AAK1: variants seen among roughly 807,000 people sequenced by gnomAD.
The protein encoded by AAK1 is AP2 associated kinase 1.
Under a neutral mutation model 116.0 loss-of-function variants are expected in AAK1, and 37 were observed. That is an observed-to-expected ratio of 0.32 (90% CI 0.25 to 0.42). The LOEUF (loss-of-function observed/expected upper bound fraction) is 0.42. Ranked by LOEUF, AAK1 falls within the 10% of genes least tolerant of loss-of-function variation. AAK1 has a pLI of 1.00. For missense variants in AAK1, 919 were observed against 1,170.6 expected (o/e 0.79, Z 3.14); for synonymous variants, 458 against 439.9 (o/e 1.04, Z -0.51).
At position 69,461,702 on chromosome 2, in the gene AAK1, C is replaced by T. The variant is rs749335344; in HGVS notation, c.*14167G>A. The T allele has an allele frequency of 3.3e-4, 138 of 413,946 alleles. No homozygotes were observed. Among genetic ancestry groups the T allele is most frequent in the Non-Finnish European group, 8.7e-5 (18 of 206,736 alleles). The allele number at this position is 413,946 out of a possible 1,614,324, so 25.6% of individuals were successfully genotyped here. ...GTCTGCCTCCCTGGGTCAAGCAATTCTGCCTCAGCCTCCCTAGTAACTGGG... is the reference window on the plus strand; with the variant it reads ...GTCTGCCTCCCTGGGTCAAGCAATTTTGCCTCAGCCTCCCTAGTAACTGGG... On this transcript the variant is annotated 3_prime_UTR_variant, in exon 22 of 22. Transcript: ENST00000409085.
rs573257995 is a variant in AAK1 at position 69,602,972 on chromosome 2, T to C, written c.163+39906A>G. On this transcript the variant is annotated intron_variant, in intron 2 of 21. Transcript: ENST00000409085. ...ATCCCATTTACAAATTACTAGTAAA[T>C]TGAATCAGGCAGTACATTAAAAGAA... is the stretch of plus-strand genomic sequence containing the variant. Among the ~76,000 whole-genome samples, 103 of 152,282 alleles carry C rather than the reference T, an allele frequency of 6.8e-4. No individual in the cohort carries two copies. In the Middle Eastern group the frequency reaches 0.01, roughly 15 times the overall value.
chr2:69,500,922 C>T (rs922434068), intron 16 of AAK1, among the ~76,000 whole-genome samples: 8 of 151,862 alleles, frequency 5.3e-5, no homozygotes, highest in African/African-American at 1.5e-4. Context: ...CGATTGTTAA[C>T]GCTGCTGAAT....
chr2:69,481,099 G>T (rs530570359), intron 18 of AAK1, 138 bp from the exon 19 acceptor site: 5 of 723,294 alleles, frequency 6.9e-6, no homozygotes, highest in East Asian at 3.0e-5. Context: ...GAGCTCAAGC[G>T]ATCTATCCCA....
At chr2:69,641,758 G>A (rs999172104) in intron 2 of AAK1, among the ~76,000 whole-genome samples, 1 of 151,932 alleles carries the variant, frequency 6.6e-6, no homozygotes, top group African/African-American at 2.4e-5. Context: ...CTTGCAAAAG[G>A]CCCCTTTTTA....
Position 69,470,518 on chromosome 2 carries a change from C to T in AAK1, c.*5351G>A. ...TGGAAGCCAAAAATGGCCAGCTGTG[C>T]CTCTCAGGCCAATGAGGCAATTAAA... On this transcript the variant is annotated 3_prime_UTR_variant, in exon 22 of 22. Transcript: ENST00000409085. 1.0e-6 allele frequency: 1 copy of T among 985,432 alleles called. No individual in the cohort carries two copies. The highest frequency in any genetic ancestry group is 1.2e-6 in the Non-Finnish European group (1 of 829,918). 61.0% of individuals were successfully genotyped at this position (985,432 alleles called of 1,614,324 possible).
chr2:69,643,470 G>A, intron 1 of AAK1, 105 bp downstream of exon 1: 1 of 1,208,696 alleles, frequency 8.3e-7, no homozygotes, highest in South Asian at 4.2e-5. Context: ...TCGGAGAAAG[G>A]AGGGATCCGA....
intron 5 of AAK1, among the ~76,000 whole-genome samples, chr2:69,534,578 T>C (rs1670386641): frequency 6.6e-6 from 1 of 152,252 alleles, no homozygotes; most frequent in Admixed American, 6.5e-5. Flanking sequence ...TTGCTCCTTT[T>C]ATTCAACTGC....
Position 69,461,612 on chromosome 2 carries a change from G to A in AAK1, c.*14257C>T, listed in dbSNP as rs1455437892. The A allele has an allele frequency of 1.6e-5, 4 of 255,544 alleles. No homozygotes were observed. The highest frequency in any genetic ancestry group is 2.9e-5 in the Non-Finnish European group (4 of 139,028). The allele number at this position is 255,544 out of a possible 1,614,324, so 15.8% of individuals were successfully genotyped here. Reference sequence around the variant, plus strand: ...CAGTGACAATTTTTTTTTTTTTTTTGAGGCGGAGTTTTGCTCTTCTCGCCC... The same window carrying A: ...CAGTGACAATTTTTTTTTTTTTTTTAAGGCGGAGTTTTGCTCTTCTCGCCC... On this transcript the variant is annotated 3_prime_UTR_variant, in exon 22 of 22. Transcript: ENST00000409085.
At chr2:69,531,092 C>T (rs1670235919) in intron 6 of AAK1, among the ~76,000 whole-genome samples, 1 of 152,130 alleles carries the variant, frequency 6.6e-6, no homozygotes, top group African/African-American at 2.4e-5. Flanking sequence ...AGATGTAATA[C>T]TGACTGTGGT....
chr2:69,590,354 G>C (rs1270619101), intron 2 of AAK1, among the ~76,000 whole-genome samples: 1 of 152,222 alleles, frequency 6.6e-6, no homozygotes, highest in Non-Finnish European at 1.5e-5. Flanking sequence ...AGAGGACACT[G>C]GGGGCTTTGG....
intron 17 of AAK1, among the ~76,000 whole-genome samples, chr2:69,484,246 T>C (rs1009232141): frequency 1.3e-5 from 2 of 152,276 alleles, no homozygotes; most frequent in African/African-American, 4.8e-5. Context: ...AAGAAATAAA[T>C]TGATATTCAT....
intron 2 of AAK1, among the ~76,000 whole-genome samples, chr2:69,586,326 T>C (rs12987661): frequency 0.11 from 16,020 of 152,094 alleles, 934 homozygotes; most frequent in Non-Finnish European, 0.12. Context: ...AGGCTGGTAA[T>C]GAGGCAGAAA....
At chr2:69,564,935 C>G (rs1671800210) in intron 2 of AAK1, among the ~76,000 whole-genome samples, 1 of 152,204 alleles carries the variant, frequency 6.6e-6, no homozygotes, top group Non-Finnish European at 1.5e-5. Flanking sequence ...CCCTTCCACC[C>G]CCACCTCCCT....
intron 2 of AAK1, among the ~76,000 whole-genome samples, chr2:69,628,171 C>T (rs1210582453): frequency 2.0e-5 from 3 of 152,148 alleles, no homozygotes; most frequent in African/African-American, 4.8e-5. Context: ...CTTGGCTGGG[C>T]GTGGTGGCTC....
chr2:69,582,575 G>C (rs192534689), intron 2 of AAK1, among the ~76,000 whole-genome samples: 1 of 152,294 alleles, frequency 6.6e-6, no homozygotes. Flanking sequence ...CCTGCTACTG[G>C]GGGGTGAGGG....
chr2:69,622,008 G>A (rs552116975), intron 2 of AAK1, among the ~76,000 whole-genome samples: 3 of 152,360 alleles, frequency 2.0e-5, no homozygotes, highest in East Asian at 3.9e-4. Context: ...TCAGCCCGCC[G>A]CTGCACTGTG....
chr2:69,611,957 G>A (rs1674102978), intron 2 of AAK1, among the ~76,000 whole-genome samples: 1 of 152,170 alleles, frequency 6.6e-6, no homozygotes, highest in African/African-American at 2.4e-5. Flanking sequence ...CAAATTCATA[G>A]GGACAGAAAG....
Position 69,472,559 on chromosome 2 carries a change from TATA to T in AAK1, c.*3307_*3309del. ...TATGTCTGCTAAAGAAATCATTAAT[TATA>T]ATAATTATAATCATACTTAGAAGTG... On this transcript the variant is annotated 3_prime_UTR_variant, in exon 22 of 22. Transcript: ENST00000409085. 1.1e-6 allele frequency: 1 copy of T among 924,624 alleles called. No individual in the cohort carries two copies. Among genetic ancestry groups the T allele is most frequent in the African/African-American group, 1.8e-5 (1 of 56,064 alleles). The allele number at this position is 924,624 out of a possible 1,614,324, so 57.3% of individuals were successfully genotyped here.
At chr2:69,576,326 T>G (rs1672312668) in intron 2 of AAK1, among the ~76,000 whole-genome samples, 1 of 151,722 alleles carries the variant, frequency 6.6e-6, no homozygotes, top group Admixed American at 6.6e-5. Context: ...ACAATTATGC[T>G]TGAGGTTTTT....
Sources: allele counts gnomAD v4.1 joint callset (sites outside exome capture counted in the v4.1 genomes callset), GRCh38; gene constraint gnomAD v4.1.1; transcripts MANE v1.5; gene names NCBI Gene and HGNC (gene_info 2026-07-23, HGNC 2026-07-21).